The following PSMA3 variants were observed in gnomAD, a reference collection of about 807,000 sequenced individuals.
PSMA3 encodes proteasome 20S subunit alpha 3.
PSMA3 carries 8 observed loss-of-function variants against 40.0 expected under a neutral mutation model. That is an observed-to-expected ratio of 0.20 (90% confidence interval 0.12 to 0.36). PSMA3 has a LOEUF of 0.36. PSMA3 is among the 10% of genes least tolerant of loss of function. The probability of loss-of-function intolerance (pLI) is 1.00; values close to 1 mark genes in which losing one functional copy is unlikely to be tolerated. For missense variants in PSMA3, 219 were observed against 310.6 expected, an observed-to-expected ratio of 0.70 and a Z score of 2.22; for synonymous variants, 110 against 100.0, an observed-to-expected ratio of 1.10 and a Z score of -0.59.
rs576169636 is a variant in PSMA3, at chr14:58,244,852, C to A, written c.-69C>A. ...AATGAGCGGGCCTGTTACTAGTTTG[C>A]GGCATCCTGTGGTATAGGGGAAGCG... is the stretch of plus-strand genomic sequence containing the variant. On this transcript the variant is annotated 5_prime_UTR_variant, in exon 1 of 11. Coordinates refer to ENST00000216455, the MANE Select transcript of PSMA3 (RefSeq NM_002788.4). 2.5e-6 allele frequency: 4 copies of A among 1,606,250 alleles called. No homozygotes were observed. Among genetic ancestry groups the A allele is most frequent in the Admixed American group, 1.7e-5 (1 of 59,962 alleles).
At chr14:58,262,896 ATCCT>A (rs1890324086) in intron 6 of PSMA3, among the ~76,000 whole-genome samples, 11 of 151,490 alleles carry the variant, frequency 7.3e-5, no homozygotes, top group South Asian at 2.1e-4. Context: ...CTGTTTTCTT[ATCCT>A]TACATTTTTG....
rs573662674 is a variant in PSMA3 at position 58,262,870 on chromosome 14, T to A, written c.478-835T>A. 4.3e-4 allele frequency among the ~76,000 whole-genome samples: 66 copies of A among 152,274 alleles called. 1 individual carries two copies. In the South Asian group the frequency reaches 0.01, roughly 24 times the overall value. On this transcript the variant is annotated intron_variant, in intron 6 of 10. Coordinates refer to ENST00000216455, the MANE Select transcript of PSMA3 (RefSeq NM_002788.4). ...TTTGTGTGAGCCACTGCACCCGGCC[T>A]GTTACCGTTTCTTAACTGTTTTCTT... is the stretch of plus-strand genomic sequence containing the variant.
chr14:58,252,058 T>G (rs1890023629), intron 2 of PSMA3, 61 bp from the exon 3 acceptor site: 2 of 1,530,634 alleles, frequency 1.3e-6, no homozygotes, highest in East Asian at 2.3e-5. Flanking sequence ...TTGTTAAACT[T>G]AAGTTTATGA....
intron 3 of PSMA3, among the ~76,000 whole-genome samples, chr14:58,254,826 TTTCC>T (rs1409641843): frequency 6.6e-6 from 1 of 152,140 alleles, no homozygotes; most frequent in Non-Finnish European, 1.5e-5. Flanking sequence ...TAAACACGCG[TTTCC>T]TTGTCTGCAA....
chr14:58,249,042 C>T (rs892377990), intron 2 of PSMA3, among the ~76,000 whole-genome samples: 9 of 151,886 alleles, frequency 5.9e-5, no homozygotes, highest in Non-Finnish European at 1.3e-4. Flanking sequence ...GTTGGCTCAC[C>T]GCAACCTCTG....
At chr14:58,265,142 C>G (rs1342269281) in intron 7 of PSMA3, 1 of 152,156 alleles carries the variant, frequency 6.6e-6, no homozygotes, top group Non-Finnish European at 1.5e-5. Context: ...CCTGTAGTCC[C>G]AGCTACTTGG....
chr14:58,258,436 TAA>T (rs34920620), intron 5 of PSMA3: 1,039 of 66,564 alleles, frequency 0.016, 10 homozygotes, highest in African/African-American at 0.032. Flanking sequence ...TCTGCCTCTT[TAA>T]AAAAAAAAAA....
In PSMA3 at chr14:58,245,044, C is replaced by A. The variant is rs1889847834; in HGVS notation, c.21+103C>A. On this transcript the variant is annotated intron_variant, in intron 1 of 10. Transcript: ENST00000216455. ...TTCGCGGACCCGGGGTGCTCTGAGA[C>A]CGCCTTCGGCTGGGTGGGCCATTTG... The A allele has an allele frequency of 2.5e-5, 38 of 1,490,202 alleles. No homozygotes were observed. In the Admixed American group the frequency reaches 3.0e-4, roughly 12 times the overall value. The allele number at this position is 1,490,202 out of a possible 1,614,324, so 92.3% of individuals were successfully genotyped here.
Position 58,257,612 on chromosome 14 carries a change from G to A in PSMA3, c.229-133G>A, listed in dbSNP as rs917497978. On this transcript the variant is annotated intron_variant, in intron 3 of 10. Coordinates refer to ENST00000216455, the MANE Select transcript of PSMA3 (RefSeq NM_002788.4). Reference sequence around the variant, plus strand: ...CAAGCATCAAAATGCCTTGTAGAGAGACCTTTAAGCCAAAAAAGTTTATTT... The same window carrying A: ...CAAGCATCAAAATGCCTTGTAGAGAAACCTTTAAGCCAAAAAAGTTTATTT... The A allele has an allele frequency of 9.0e-6, 6 of 669,388 alleles. No homozygotes were observed. The South Asian group carries it at 1.2e-4, about 13-fold the overall frequency. 41.5% of individuals were successfully genotyped at this position (669,388 alleles called of 1,614,324 possible). A position where few individuals can be genotyped will look rare whatever the true frequency, so the allele number is the denominator to read the frequency against.
At chr14:58,247,486 A>G (rs925467221) in intron 1 of PSMA3, among the ~76,000 whole-genome samples, 8 of 152,194 alleles carry the variant, frequency 5.3e-5, no homozygotes, top group African/African-American at 1.9e-4. Flanking sequence ...ATCTTTTTCA[A>G]AAATGAGTTT....
At chr14:58,252,282 A>G (rs765309090) in intron 3 of PSMA3, 40 bp downstream of exon 3, 4 of 1,586,644 alleles carry the variant, frequency 2.5e-6, no homozygotes, top group Admixed American at 1.9e-5. Context: ...GTCTTGTCCA[A>G]TTTCTTTTGA....
At chr14:58,246,245 G>C (rs923003630) in intron 1 of PSMA3, among the ~76,000 whole-genome samples, 1 of 152,164 alleles carries the variant, frequency 6.6e-6, no homozygotes, top group Non-Finnish European at 1.5e-5. Flanking sequence ...CGTACTGCAT[G>C]TGAAAGTAGA....
chr14:58,251,938 A>G (rs888686656), intron 2 of PSMA3, among the ~76,000 whole-genome samples, 181 bp from the exon 3 acceptor site: 1 of 152,112 alleles, frequency 6.6e-6, no homozygotes. Context: ...GGGTCACATG[A>G]TATTTATATG....
At chr14:58,269,182 T>C (rs1302561493) in intron 8 of PSMA3, among the ~76,000 whole-genome samples, 4 of 152,158 alleles carry the variant, frequency 2.6e-5, no homozygotes, top group Non-Finnish European at 4.4e-5. Flanking sequence ...TCCACCCACC[T>C]TGGCCTCCCA....
chr14:58,269,095 T>C (rs1890534569), intron 8 of PSMA3, among the ~76,000 whole-genome samples: 1 of 151,970 alleles, frequency 6.6e-6, no homozygotes, highest in Non-Finnish European at 1.5e-5. Flanking sequence ...CCACCACACC[T>C]GGCTAATTTT....
rs566464692 is a variant in PSMA3, at chr14:58,264,487, T to G, written c.543+717T>G. Among the ~76,000 whole-genome samples, 19 of 152,362 alleles carry G rather than the reference T, an allele frequency of 1.2e-4. No individual in the cohort carries two copies. In the East Asian group the frequency reaches 3.7e-3, roughly 29 times the overall value. On this transcript the variant is annotated intron_variant, in intron 7 of 10. Transcript: ENST00000216455. ...ACTTAAAGACTTCATGGATACTGTT[T>G]CAATATTATTGATTACCTGTCAGAA...
At chr14:58,261,155 T>A (rs2140089848) in intron 6 of PSMA3, 135 bp downstream of exon 6, 1 of 628,688 alleles carries the variant, frequency 1.6e-6, no homozygotes, top group Non-Finnish European at 2.6e-6. Flanking sequence ...TTTTTTTTTT[T>A]ACAACAACCT....
At chr14:58,267,982 A>G (rs1365125113) in intron 8 of PSMA3, 1 of 152,292 alleles carries the variant, frequency 6.6e-6, no homozygotes, top group Non-Finnish European at 1.5e-5. Context: ...GTTTATTATA[A>G]AAGTTCCTAT....
At position 58,252,277 on chromosome 14, in the gene PSMA3, G is replaced by C. The variant is rs753744518; in HGVS notation, c.228+35G>C. ...TGTTTAAAATGTTCCTTTTTGTCTT[G>C]TCCAATTTCTTTTGAAGTAACTGAT... On this transcript the variant is annotated intron_variant, in intron 3 of 10. Transcript: ENST00000216455. 6 of 1,589,880 alleles carry C rather than the reference G, an allele frequency of 3.8e-6. No individual in the cohort carries two copies. The South Asian group carries it at 6.9e-5, about 18-fold the overall frequency.
Sources: gnomAD v4.1 joint callset for allele counts (sites outside exome capture counted in the v4.1 genomes callset) on GRCh38, gnomAD v4.1.1 for gene constraint, MANE v1.5 for transcripts, NCBI Gene and HGNC (gene_info 2026-07-23, HGNC 2026-07-21) for gene names.